Variants in TXNDC16 observed in about 807,000 individuals in gnomAD.
TXNDC16 encodes thioredoxin domain containing 16, also known as thioredoxin domain-containing protein 16.
TXNDC16 carries 74 observed loss-of-function variants against 85.6 expected under a neutral mutation model. The ratio of observed to expected loss-of-function variants is 0.86; its 90% CI spans 0.72 to 1.05. The LOEUF (loss-of-function observed/expected upper bound fraction) is 1.05, where lower values mean the gene tolerates loss of function less well. Among genes scored for constraint, TXNDC16 ranks in the 50% least tolerant of loss-of-function variants. The probability of loss-of-function intolerance (pLI) is 0.00; values close to 1 mark genes in which losing one functional copy is unlikely to be tolerated. For missense variants in TXNDC16, 959 were observed against 947.0 expected, an observed-to-expected ratio of 1.01 and a Z score of -0.17; for synonymous variants, 335 against 326.5, an observed-to-expected ratio of 1.03 and a Z score of -0.28.
In TXNDC16 at chr14:52,490,420, C is replaced by T. The variant is rs1214040145; in HGVS notation, c.955G>A (p.Ala319Thr). The T allele has an allele frequency of 6.2e-7, 1 of 1,602,482 alleles. No homozygotes were observed. The highest frequency in any genetic ancestry group is 2.3e-5 in the East Asian group (1 of 44,230). The change falls in exon 11 of 21, where the codon GCT (alanine) becomes ACT (threonine). Residue 319 changes from alanine (A) to threonine (T), a missense_variant. By Grantham distance (58) the Ala-to-Thr change is moderately conservative. Coordinates refer to ENST00000281741, the MANE Select transcript of TXNDC16 (RefSeq NM_020784.3). ...DSLEVNIPQDANVVFKRAEEG... is the reference protein window; with the variant it reads ...DSLEVNIPQDTNVVFKRAEEG... ...TCTGCTCTTTTGAAGACCACATTAGCATCTTGAGGAATGTTCACTTCCAAA... is the reference window on the plus strand; with the variant it reads ...TCTGCTCTTTTGAAGACCACATTAGTATCTTGAGGAATGTTCACTTCCAAA...
chr14:52,480,014 T>C (rs886359402), intron 14 of TXNDC16, among the ~76,000 whole-genome samples: 4 of 152,040 alleles, frequency 2.6e-5, no homozygotes, highest in Non-Finnish European at 5.9e-5. Context: ...TAAACCCTAA[T>C]ACTTACAGCC....
At chr14:52,461,053 ATC>A (rs911213296) in intron 16 of TXNDC16, among the ~76,000 whole-genome samples, 4 of 151,472 alleles carry the variant, frequency 2.6e-5, no homozygotes, top group African/African-American at 9.6e-5. Context: ...TTTTATCTAT[ATC>A]TTTTAGTTCT....
intron 20 of TXNDC16, among the ~76,000 whole-genome samples, chr14:52,433,578 A>C (rs1167544922): frequency 6.6e-6 from 1 of 152,184 alleles, no homozygotes; most frequent in Admixed American, 6.5e-5. Flanking sequence ...AAACATATAT[A>C]TTGCAATTTC....
At chr14:52,482,051 A>C (rs2036162684) in intron 14 of TXNDC16, among the ~76,000 whole-genome samples, 179 bp downstream of exon 14, 1 of 152,148 alleles carries the variant, frequency 6.6e-6, no homozygotes, top group African/African-American at 2.4e-5. Context: ...CTATGAAGAC[A>C]AATCAAAGTG....
chr14:52,483,003 G>A (rs1246747325), intron 12 of TXNDC16, 38 bp from the exon 13 acceptor site: 1 of 1,529,228 alleles, frequency 6.5e-7, no homozygotes, highest in East Asian at 2.3e-5. Context: ...AAATATTGAT[G>A]TATAATGAAA....
At chr14:52,453,871 A>G (rs1048910334) in intron 18 of TXNDC16, among the ~76,000 whole-genome samples, 3 of 152,068 alleles carry the variant, frequency 2.0e-5, no homozygotes, top group Non-Finnish European at 4.4e-5. Context: ...TCTTTTGGAT[A>G]AAAAAAGCCT....
rs201862062 is a variant in TXNDC16, at chr14:52,488,389, T to G, written c.1082A>C (p.Asp361Ala). 102 of 1,613,732 alleles carry G rather than the reference T, an allele frequency of 6.3e-5. No homozygotes were observed. The highest frequency in any genetic ancestry group is 8.1e-5 in the Non-Finnish European group (96 of 1,179,822). The stretch of plus-strand genomic sequence containing the variant: ...TATATCTGGACCTTCCATGTCATTG[T>G]CTTCATCTTCTTGTATTTCCTCAAT... ...MHIEEIQEDE[D>A]NDMEGPDIDV... Residue 361 changes from aspartate to alanine, a missense_variant, in exon 12 of 21, where the codon GAC (aspartate) becomes GCC (alanine). Physicochemically the swap from Asp to Ala is moderately radical, Grantham distance 126. Transcript: ENST00000281741.
chr14:52,504,313 C>G (rs1432612075), intron 9 of TXNDC16, among the ~76,000 whole-genome samples: 1 of 152,130 alleles, frequency 6.6e-6, no homozygotes, highest in Non-Finnish European at 1.5e-5. Context: ...TTAAGGGCAG[C>G]CAGAGAGAAA....
intron 1 of TXNDC16, among the ~76,000 whole-genome samples, chr14:52,546,874 G>C (rs916391290): frequency 3.9e-5 from 6 of 152,206 alleles, no homozygotes; most frequent in East Asian, 1.9e-4. Flanking sequence ...ATTTATCAGA[G>C]ACTGGAGCTA....
At chr14:52,511,870 T>C (rs529155240) in intron 8 of TXNDC16, among the ~76,000 whole-genome samples, 1 of 152,214 alleles carries the variant, frequency 6.6e-6, no homozygotes, top group Non-Finnish European at 1.5e-5. Flanking sequence ...TGACAGTTTG[T>C]GGGAGTTTGT....
At chr14:52,495,844 T>C (rs2036518742) in intron 9 of TXNDC16, among the ~76,000 whole-genome samples, 3 of 152,194 alleles carry the variant, frequency 2.0e-5, no homozygotes, top group African/African-American at 4.8e-5. Flanking sequence ...ACTATTCCTC[T>C]CAATCTGAAG....
At chr14:52,486,117 C>T (rs887516516) in intron 12 of TXNDC16, among the ~76,000 whole-genome samples, 1 of 151,890 alleles carries the variant, frequency 6.6e-6, no homozygotes, top group African/African-American at 2.4e-5. Context: ...TCTTATTATT[C>T]ATATATTTTC....
chr14:52,525,259 C>T (rs1566577835), intron 6 of TXNDC16, among the ~76,000 whole-genome samples: 1 of 151,876 alleles, frequency 6.6e-6, no homozygotes, highest in African/African-American at 2.4e-5. Flanking sequence ...AAATAAATAA[C>T]ATTTTAGAGC....
intron 1 of TXNDC16, among the ~76,000 whole-genome samples, chr14:52,547,321 G>A (rs566520612): frequency 5.9e-5 from 9 of 152,242 alleles, no homozygotes; most frequent in African/African-American, 1.7e-4. Flanking sequence ...ATGCTGTAGG[G>A]CATGTGCAGA....
intron 9 of TXNDC16, among the ~76,000 whole-genome samples, chr14:52,491,335 C>T (rs8015956): frequency 0.1 from 15,083 of 148,290 alleles, 928 homozygotes; most frequent in East Asian, 0.18. Flanking sequence ...GTGCACACCA[C>T]CATGCCTAGC....
intron 20 of TXNDC16, among the ~76,000 whole-genome samples, chr14:52,438,830 G>T (rs2035095956): frequency 6.6e-6 from 1 of 152,090 alleles, no homozygotes; most frequent in South Asian, 2.1e-4. Flanking sequence ...AGCTGCACAA[G>T]AAATATCTTC....
intron 20 of TXNDC16, among the ~76,000 whole-genome samples, chr14:52,437,554 G>A (rs904131554): frequency 6.6e-6 from 1 of 151,820 alleles, no homozygotes; most frequent in African/African-American, 2.4e-5. Context: ...TGGACAAATG[G>A]GATCACATCA....
intron 9 of TXNDC16, among the ~76,000 whole-genome samples, chr14:52,492,863 T>C (rs2036439939): frequency 6.6e-6 from 1 of 152,176 alleles, no homozygotes; most frequent in African/African-American, 2.4e-5. Flanking sequence ...TGGCCACATC[T>C]CTCAAGTCTC....
At chr14:52,498,338 G>A (rs1322804469) in intron 9 of TXNDC16, among the ~76,000 whole-genome samples, 1 of 151,392 alleles carries the variant, frequency 6.6e-6, no homozygotes, top group Non-Finnish European at 1.5e-5. Context: ...ATCAAAATTG[G>A]AAAAGAAGAA....
Sources: allele counts gnomAD v4.1 joint callset (sites outside exome capture counted in the v4.1 genomes callset), GRCh38; gene constraint gnomAD v4.1.1; transcripts MANE v1.5; gene names NCBI Gene and HGNC (gene_info 2026-07-23, HGNC 2026-07-21).